The following ZNF639 variants were observed in gnomAD, a reference collection of about 807,000 sequenced individuals.
The protein encoded by ZNF639 is zinc finger protein 639, also known as zinc finger amplified in esophageal squamous cell carcinomas 1.
In ZNF639, 20 loss-of-function variants were observed where a neutral mutation model predicts 39.8. That is an observed-to-expected ratio of 0.50 (90% confidence interval 0.35 to 0.73). The LOEUF is 0.73. ZNF639 is among the 30% of genes least tolerant of loss of function. ZNF639 has a pLI of 0.00. For synonymous variants in ZNF639, 176 were observed against 189.8 expected, an observed-to-expected ratio of 0.93 and a Z score of 0.60; for missense variants, 477 against 566.2, an observed-to-expected ratio of 0.84 and a Z score of 1.60.
Position 179,323,301 on chromosome 3 carries a change from A to T in ZNF639, c.-83+10A>T. On this transcript the variant is annotated intron_variant, in intron 1 of 5. Coordinates refer to ENST00000496856, the MANE Select transcript of ZNF639 (RefSeq NM_001303426.2). ...CTCGGGGGACTGACTGGTGAGTGTG[A>T]GGGAGGAGCGGGTGGGTCGGGCGCT... The T allele has an allele frequency of 1.0e-6, 1 of 984,992 alleles. No homozygotes were observed. The highest frequency in any genetic ancestry group is 1.2e-6 in the Non-Finnish European group (1 of 829,896). 61.0% of individuals were successfully genotyped at this position (984,992 alleles called of 1,614,324 possible). A position where few individuals can be genotyped will look rare whatever the true frequency, so the allele number is the denominator to read the frequency against.
At chr3:179,327,462 A>G (rs150873024) in intron 1 of ZNF639, 99 bp from the exon 2 acceptor site, 15 of 152,348 alleles carry the variant, frequency 9.8e-5, no homozygotes, top group African/African-American at 2.6e-4. Flanking sequence ...AGTTCTGTAT[A>G]ACTTTCCAAT....
chr3:179,335,452 G>C lies in ZNF639; in HGVS notation c.*1030G>C, dbSNP rs184498806. The C allele has an allele frequency of 2.0e-5, 3 of 152,340 alleles. No homozygotes were observed. The highest frequency in any genetic ancestry group is 3.9e-4 in the East Asian group (2 of 5,194). 9.4% of individuals were successfully genotyped at this position (152,340 alleles called of 1,614,324 possible). On this transcript the variant is annotated 3_prime_UTR_variant, in exon 6 of 6. Transcript: ENST00000496856. ...CAGAAAACCCACTGAAGTATTTAAA[G>C]TTAGGAAGATCTGGGAGATAGGGGT...
intron 1 of ZNF639, among the ~76,000 whole-genome samples, chr3:179,325,943 A>G (rs975462154): frequency 2.0e-5 from 3 of 152,168 alleles, no homozygotes; most frequent in Non-Finnish European, 4.4e-5. Flanking sequence ...GTATTATATC[A>G]CTTCAGTGCT....
In ZNF639 at chr3:179,323,178, A is replaced by C; in HGVS notation, c.-196A>C. The C allele has an allele frequency of 2.0e-6, 2 of 984,582 alleles. No homozygotes were observed. Among genetic ancestry groups the C allele is most frequent in the Non-Finnish European group, 2.4e-6 (2 of 829,742 alleles). The allele number at this position is 984,582 out of a possible 1,614,324, so 61.0% of individuals were successfully genotyped here. ...CGTCCGGGAGCGCTAGGGCCGGAGC[A>C]GCGCTGCCCGCCGCCGTGCGTCCGC... On this transcript the variant is annotated 5_prime_UTR_variant, in exon 1 of 6. Coordinates refer to ENST00000496856, the MANE Select transcript of ZNF639 (RefSeq NM_001303426.2).
At chr3:179,329,273 C>T (rs1727770021) in intron 3 of ZNF639, among the ~76,000 whole-genome samples, 1 of 152,186 alleles carries the variant, frequency 6.6e-6, no homozygotes, top group Non-Finnish European at 1.5e-5. Flanking sequence ...CAACCTTTCT[C>T]TGCATGACAT....
chr3:179,331,519 C>T (rs1429662831), intron 4 of ZNF639, among the ~76,000 whole-genome samples: 1 of 152,138 alleles, frequency 6.6e-6, no homozygotes, highest in Admixed American at 6.5e-5. Context: ...TGGCTCACGC[C>T]TGTAATCCCA....
intron 1 of ZNF639, chr3:179,325,348 A>G (rs980391067): frequency 6.6e-6 from 1 of 152,074 alleles, no homozygotes; most frequent in Non-Finnish European, 1.5e-5. Context: ...TATTGGTATC[A>G]TTTCTGTACA....
upstream of ZNF639, chr3:179,322,987 C>A: frequency 5.1e-6 from 5 of 985,218 alleles, no homozygotes; most frequent in Non-Finnish European, 6.0e-6. Flanking sequence ...CGCTCCCTGC[C>A]CCCACCTCAC....
chr3:179,324,588 C>G (rs905862668), intron 1 of ZNF639, among the ~76,000 whole-genome samples: 48 of 152,262 alleles, frequency 3.2e-4, no homozygotes, highest in African/African-American at 1.1e-3. Flanking sequence ...CATTTTTGGT[C>G]TTGAGTAGGC....
At chr3:179,331,510 G>A (rs1727903891) in intron 4 of ZNF639, among the ~76,000 whole-genome samples, 1 of 152,188 alleles carries the variant, frequency 6.6e-6, no homozygotes, top group African/African-American at 2.4e-5. Context: ...CAGGTGCGGT[G>A]GCTCACGCCT....
intron 3 of ZNF639, among the ~76,000 whole-genome samples, chr3:179,328,739 C>T (rs1396176715): frequency 6.7e-6 from 1 of 150,230 alleles, no homozygotes; most frequent in African/African-American, 2.4e-5. Flanking sequence ...CTCTTTATTA[C>T]TTTAGGAAAT....
At chr3:179,332,961 A>G in intron 4 of ZNF639, 28 bp from the exon 5 acceptor site, 1 of 1,520,814 alleles carries the variant, frequency 6.6e-7, no homozygotes, top group Non-Finnish European at 8.8e-7. Context: ...TATAAATAAT[A>G]AGTATTCTTC....
chr3:179,327,317 CTG>C (rs1347772296), intron 1 of ZNF639, among the ~76,000 whole-genome samples: 2 of 151,688 alleles, frequency 1.3e-5, no homozygotes, highest in African/African-American at 4.8e-5. Flanking sequence ...AGGCATGAGA[CTG>C]TCTCAAAAAA....
chr3:179,333,655 G>A lies in ZNF639; in HGVS notation c.691G>A (p.Asp231Asn). Residue 231 changes from aspartate to asparagine, a missense_variant, in exon 6 of 6, where the codon GAT (aspartate) becomes AAT (asparagine). Physicochemically the swap from Asp to Asn is conservative, Grantham distance 23. Coordinates refer to ENST00000496856, the MANE Select transcript of ZNF639 (RefSeq NM_001303426.2). ...TATGATCCTGAAGCATAAACGTACT[G>A]ATTCAAATGTGTGTCGAGTATGCAA... Reference protein sequence around the residue: ...QHMILKHKRTDSNVCRVCKES... With the variant: ...QHMILKHKRTNSNVCRVCKES... The A allele has an allele frequency of 6.2e-7, 1 of 1,614,116 alleles. No individual in the cohort carries two copies. The highest frequency in any genetic ancestry group is 2.2e-5 in the East Asian group (1 of 44,874).
At chr3:179,328,492 C>T (rs970893869) in intron 3 of ZNF639, 141 bp downstream of exon 3, 11 of 534,678 alleles carry the variant, frequency 2.1e-5, no homozygotes, top group Non-Finnish European at 3.6e-5. Flanking sequence ...AATACATTAT[C>T]TGAATATATA....
At position 179,323,075 on chromosome 3, in the gene ZNF639, G is replaced by A. The variant is rs147661083; in HGVS notation, c.-299G>A. 9,945 of 984,896 alleles carry A rather than the reference G, an allele frequency of 0.01. 527 individuals carry two copies. The African/African-American group carries it at 0.13, about 13-fold the overall frequency. 61.0% of individuals were successfully genotyped at this position (984,896 alleles called of 1,614,324 possible). ...CGGAGCGTGGCGGCCAGGGCAGTGC[G>A]GCCGCGGAGCCTAGGCCAGGGGCCT... On this transcript the variant is annotated 5_prime_UTR_variant, in exon 1 of 6. Transcript: ENST00000496856.
chr3:179,333,799 A>G lies in ZNF639; in HGVS notation c.835A>G (p.Ile279Val), dbSNP rs1432644557. The change falls in exon 6 of 6, where the codon ATT (isoleucine) becomes GTT (valine). Residue 279 changes from isoleucine to valine, a missense_variant. Physicochemically the swap from Ile to Val is conservative, Grantham distance 29. Coordinates refer to ENST00000496856, the MANE Select transcript of ZNF639 (RefSeq NM_001303426.2). ...TVIFENLSQH[I>V]ADTHFSDHLY... ...AATTTTTGAGAACCTCAGCCAGCACATTGCAGACACCCATTTTAGTGATCA... is the reference window on the plus strand; with the variant it reads ...AATTTTTGAGAACCTCAGCCAGCACGTTGCAGACACCCATTTTAGTGATCA... 1.2e-6 allele frequency: 2 copies of G among 1,614,076 alleles called. No individual in the cohort carries two copies. Among genetic ancestry groups the G allele is most frequent in the South Asian group, 2.2e-5 (2 of 91,082 alleles).
chr3:179,328,062 C>A, intron 2 of ZNF639: 1 of 350,288 alleles, frequency 2.9e-6, no homozygotes. Context: ...ATTTTTTAAC[C>A]TCCGTAAGAA....
At chr3:179,329,005 A>G (rs1369679521) in intron 3 of ZNF639, among the ~76,000 whole-genome samples, 1 of 152,090 alleles carries the variant, frequency 6.6e-6, no homozygotes, top group African/African-American at 2.4e-5. Context: ...ATGACTGTGT[A>G]ATTTTAGATC....
Sources: allele counts gnomAD v4.1 joint callset (sites outside exome capture counted in the v4.1 genomes callset), GRCh38; gene constraint gnomAD v4.1.1; transcripts MANE v1.5; gene names NCBI Gene and HGNC (gene_info 2026-07-23, HGNC 2026-07-21).